The following CHMP3 variants were observed in gnomAD, a reference collection of about 807,000 sequenced individuals.
The protein encoded by CHMP3 is 25.1 protein.
Under a neutral mutation model 27.4 loss-of-function variants are expected in CHMP3, and 8 were observed. That is an observed-to-expected ratio of 0.29 (90% CI 0.17 to 0.53). CHMP3 has a LOEUF of 0.53. CHMP3 is among the 20% of genes least tolerant of loss of function. The probability of loss-of-function intolerance (pLI) is 0.96; values close to 1 mark genes in which losing one functional copy is unlikely to be tolerated. For missense variants in CHMP3, 208 were observed against 271.5 expected (o/e 0.77, Z 1.64); for synonymous variants, 86 against 85.5 (o/e 1.01, Z -0.03).
chr2:86,539,594 A>G (rs1182900624), intron 2 of CHMP3, among the ~76,000 whole-genome samples: 1 of 152,144 alleles, frequency 6.6e-6, no homozygotes, highest in Non-Finnish European at 1.5e-5. Context: ...ACAAAAAAGG[A>G]ATATGCAAGG....
At chr2:86,539,602 A>T (rs1676282460) in intron 2 of CHMP3, among the ~76,000 whole-genome samples, 1 of 152,152 alleles carries the variant, frequency 6.6e-6, no homozygotes, top group African/African-American at 2.4e-5. Context: ...GGAATATGCA[A>T]GGCTGTGAGA....
intron 1 of CHMP3, 136 bp downstream of exon 1, chr2:86,563,168 G>A: frequency 9.5e-7 from 1 of 1,050,136 alleles, no homozygotes; most frequent in Non-Finnish European, 1.4e-6. Flanking sequence ...CGGCCCCCCT[G>A]TCGAGTGGGA....
intron 1 of CHMP3, among the ~76,000 whole-genome samples, chr2:86,545,418 G>C (rs552069091): frequency 8.3e-6 from 1 of 120,942 alleles, no homozygotes; most frequent in African/African-American, 3.2e-5. Flanking sequence ...CTTCCCAGAC[G>C]GGGTGGCCGG....
intron 3 of CHMP3, among the ~76,000 whole-genome samples, chr2:86,526,682 C>CTATATA (rs1224653678): frequency 6.7e-6 from 1 of 149,482 alleles, no homozygotes; most frequent in African/African-American, 2.5e-5. Context: ...CTCTCTCTCT[C>CTATATA]TATATATATA....
intron 1 of CHMP3, among the ~76,000 whole-genome samples, chr2:86,550,378 A>AGGAGAGGGAGAGAGGGAGAGAGGG: frequency 6.7e-6 from 1 of 149,560 alleles, no homozygotes; most frequent in Non-Finnish European, 1.5e-5. Flanking sequence ...GGAGACGGAG[A>AGGAGAGGGAGAGAGGGAGAGAGGG]GGAGAGGGAG....
At chr2:86,525,711 A>G (rs1289120416) in intron 3 of CHMP3, among the ~76,000 whole-genome samples, 3 of 152,198 alleles carry the variant, frequency 2.0e-5, no homozygotes, top group Admixed American at 6.5e-5. Flanking sequence ...AAACTCATCA[A>G]TTATAAGGTA....
intron 3 of CHMP3, among the ~76,000 whole-genome samples, chr2:86,528,462 T>C (rs1301427793): frequency 1.3e-5 from 2 of 152,218 alleles, no homozygotes; most frequent in African/African-American, 4.8e-5. Context: ...CTCAGCCTCC[T>C]GAGCAGCTGG....
At chr2:86,518,643 C>T (rs1030396020) in intron 3 of CHMP3, among the ~76,000 whole-genome samples, 2 of 152,026 alleles carry the variant, frequency 1.3e-5, no homozygotes, top group Non-Finnish European at 2.9e-5. Context: ...AGCTGTTTTA[C>T]GCATTCTAGG....
chr2:86,532,310 A>C (rs1396696997), intron 2 of CHMP3, among the ~76,000 whole-genome samples: 2 of 152,154 alleles, frequency 1.3e-5, no homozygotes, highest in Non-Finnish European at 2.9e-5. Flanking sequence ...TTGCTGCTTA[A>C]TGAATTTATT....
intron 3 of CHMP3, chr2:86,511,202 G>A (rs1321720006): frequency 6.6e-6 from 1 of 152,084 alleles, no homozygotes; most frequent in Non-Finnish European, 1.5e-5. Context: ...CCCTAAAACC[G>A]GCACACAGAC....
At chr2:86,534,445 C>T (rs563369901) in intron 2 of CHMP3, among the ~76,000 whole-genome samples, 1 of 152,082 alleles carries the variant, frequency 6.6e-6, no homozygotes, top group Non-Finnish European at 1.5e-5. Flanking sequence ...ATCCAACTGC[C>T]TCGGCCTCCC....
rs556146434 is a variant in CHMP3, at chr2:86,550,401, G to GGGGAGAGGGAGAAAGGGAGAGGGAGAAA, written c.46-8117_46-8090dup. 1.9e-3 allele frequency among the ~76,000 whole-genome samples: 278 copies of GGGGAGAGGGAGAAAGGGAGAGGGAGAAA among 148,668 alleles called. 3 individuals are homozygous for GGGGAGAGGGAGAAAGGGAGAGGGAGAAA. The highest frequency in any genetic ancestry group is 2.2e-3 in the African/African-American group (88 of 40,246). On this transcript the variant is annotated intron_variant, in intron 1 of 5. Transcript: ENST00000263856. Reference sequence around the variant, plus strand: ...AGAGGAGAGGGAGAGAGGGAGAGAGGGGGAGAGGGAGAAAGGGAGAGGGAG... The same window carrying GGGGAGAGGGAGAAAGGGAGAGGGAGAAA: ...AGAGGAGAGGGAGAGAGGGAGAGAGGGGGAGAGGGAGAAAGGGAGAGGGAGAAAGGGAGAGGGAGAAAGGGAGAGGGAG...
intron 1 of CHMP3, chr2:86,562,912 C>T (rs567843515): frequency 1.7e-5 from 3 of 175,422 alleles, no homozygotes; most frequent in Non-Finnish European, 3.6e-5. Context: ...ACGCTTCGGG[C>T]AGGAGAAGGT....
At chr2:86,562,988 T>G in intron 1 of CHMP3, 1 of 278,450 alleles carries the variant, frequency 3.6e-6, no homozygotes, top group South Asian at 1.1e-4. Flanking sequence ...TCCGGGCGGG[T>G]CGTACCAACG....
chr2:86,562,730 G>A (rs2104082070), intron 1 of CHMP3: 1 of 152,412 alleles, frequency 6.6e-6, no homozygotes, highest in East Asian at 1.9e-4. Context: ...GCCGGGTCCA[G>A]AGCTATCTTC....
intron 1 of CHMP3, among the ~76,000 whole-genome samples, chr2:86,543,519 T>C (rs1295692764): frequency 6.6e-6 from 1 of 152,246 alleles, no homozygotes; most frequent in Non-Finnish European, 1.5e-5. Flanking sequence ...CACAAGGACA[T>C]CTGCCCAGCA....
chr2:86,510,619 G>T, intron 3 of CHMP3, 140 bp from the exon 4 acceptor site: 1 of 1,197,034 alleles, frequency 8.4e-7, no homozygotes, highest in Non-Finnish European at 1.1e-6. Context: ...ATTAATTACT[G>T]TGCTAGTTGA....
At chr2:86,520,170 T>C (rs1323315971) in intron 3 of CHMP3, among the ~76,000 whole-genome samples, 1 of 152,234 alleles carries the variant, frequency 6.6e-6, no homozygotes, top group Non-Finnish European at 1.5e-5. Context: ...TTCTGTAGCA[T>C]TTTTAAAAGC....
chr2:86,519,128 C>T (rs1476911235), intron 3 of CHMP3, among the ~76,000 whole-genome samples: 1 of 152,092 alleles, frequency 6.6e-6, no homozygotes, highest in Non-Finnish European at 1.5e-5. Context: ...AATCCCAGCA[C>T]TTAGGGAGGC....
Sources: allele counts gnomAD v4.1 joint callset (sites outside exome capture counted in the v4.1 genomes callset), GRCh38; gene constraint gnomAD v4.1.1; transcripts MANE v1.5; gene names NCBI Gene and HGNC (gene_info 2026-07-23, HGNC 2026-07-21).